ZNF428: variants seen among roughly 807,000 people sequenced by gnomAD.
ZNF428 encodes the protein zinc finger protein 428, also known as enzyme-like protein PIT13.
Under a neutral mutation model 15.6 loss-of-function variants are expected in ZNF428, and 5 were observed. That is an observed-to-expected ratio of 0.32 (90% CI 0.17 to 0.67). The LOEUF (loss-of-function observed/expected upper bound fraction) is 0.67, where lower values mean the gene tolerates loss of function less well. Ranked by LOEUF, ZNF428 falls within the 30% of genes least tolerant of loss-of-function variation. ZNF428 has a pLI of 0.73. For missense variants in ZNF428, 237 were observed against 256.0 expected, an observed-to-expected ratio of 0.93 and a Z score of 0.51; for synonymous variants, 97 against 102.2, an observed-to-expected ratio of 0.95 and a Z score of 0.31.
chr19:43,611,737 C>CT (rs1266222416), intron 2 of ZNF428, among the ~76,000 whole-genome samples: 3 of 152,200 alleles, frequency 2.0e-5, no homozygotes, highest in Non-Finnish European at 4.4e-5. Flanking sequence ...CTCGTATGGG[C>CT]TCCCCGGCCC....
chr19:43,614,221 C>T lies in ZNF428; in HGVS notation c.76+8G>A. On this transcript the variant is annotated splice_region_variant and intron_variant, in intron 2 of 2. Transcript: ENST00000300811. ...AAGCCGACGCCACCACCTCTAAGGC[C>T]ACCTTACCTGGGGAAAGGTCTTCAT... is the stretch of plus-strand genomic sequence containing the variant. 6.2e-7 allele frequency: 1 copy of T among 1,614,216 alleles called. No individual in the cohort carries two copies. Among genetic ancestry groups the T allele is most frequent in the Non-Finnish European group, 8.5e-7 (1 of 1,180,032 alleles).
At chr19:43,610,389 G>A (rs866825629) in intron 2 of ZNF428, among the ~76,000 whole-genome samples, 3 of 151,850 alleles carry the variant, frequency 2.0e-5, no homozygotes, top group African/African-American at 7.2e-5. Flanking sequence ...TAGTAGAGAC[G>A]GGGTTTCACC....
chr19:43,610,489 C>T (rs1973284065), intron 2 of ZNF428, among the ~76,000 whole-genome samples: 1 of 151,864 alleles, frequency 6.6e-6, no homozygotes, highest in African/African-American at 2.4e-5. Context: ...TATGAGCCAC[C>T]GCAGCCGGCT....
At chr19:43,613,311 A>G in intron 2 of ZNF428, 2 of 1,551,578 alleles carry the variant, frequency 1.3e-6, no homozygotes, top group Non-Finnish European at 1.7e-6. Context: ...AGCCCCAACA[A>G]GCAGAGAGAT....
At chr19:43,613,819 G>C in intron 2 of ZNF428, 2 of 1,549,434 alleles carry the variant, frequency 1.3e-6, no homozygotes, top group Non-Finnish European at 1.7e-6. Context: ...CCAGCAAAGA[G>C]AGAGATCGCA....
chr19:43,614,284 T>C lies in ZNF428; in HGVS notation c.21A>G (p.Pro7=), dbSNP rs1600088578. 6.2e-7 allele frequency: 1 copy of C among 1,611,798 alleles called. No individual in the cohort carries two copies. Among genetic ancestry groups the C allele is most frequent in the East Asian group, 2.2e-5 (1 of 44,870 alleles). Residue 7 remains proline, a synonymous_variant, in exon 2 of 3, where the codon CCA becomes CCG. Coordinates refer to ENST00000300811, the MANE Select transcript of ZNF428 (RefSeq NM_182498.4). ...AGCTGGCGTAGCCCCCAGTCTCAGCTGGCTCACGGGTCTCTGTCATGACCG... is the reference window on the plus strand; with the variant it reads ...AGCTGGCGTAGCCCCCAGTCTCAGCCGGCTCACGGGTCTCTGTCATGACCG... MTETRE[P]AETGGYASLE...
At chr19:43,614,604 CT>C (rs397803343) in intron 1 of ZNF428, 170 bp from the exon 2 acceptor site, 22,205 of 297,506 alleles carry the variant, frequency 0.075, no homozygotes, top group South Asian at 0.12. Context: ...CTCTCTAGGT[CT>C]TTTTTTTTTT....
At chr19:43,615,224 G>A (rs902009722) in intron 1 of ZNF428, among the ~76,000 whole-genome samples, 3 of 152,006 alleles carry the variant, frequency 2.0e-5, no homozygotes, top group African/African-American at 7.2e-5. Context: ...CTACACAGCA[G>A]ACAACAGCTA....
chr19:43,613,953 C>T, intron 2 of ZNF428: 1 of 1,551,656 alleles, frequency 6.4e-7, no homozygotes, highest in Non-Finnish European at 8.7e-7. Flanking sequence ...CCTAGAGCCT[C>T]CAGCAAGGAG....
chr19:43,615,734 A>T (rs1342539077), intron 1 of ZNF428, among the ~76,000 whole-genome samples: 1 of 152,084 alleles, frequency 6.6e-6, no homozygotes, highest in Non-Finnish European at 1.5e-5. Flanking sequence ...CACAGAACTC[A>T]AGGAAATGCT....
At chr19:43,615,374 GGC>G (rs1422838240) in intron 1 of ZNF428, among the ~76,000 whole-genome samples, 8 of 152,004 alleles carry the variant, frequency 5.3e-5, no homozygotes. Context: ...TGGGATTACA[GGC>G]GTGAGCCACC....
At chr19:43,614,913 A>C (rs1973356734) in intron 1 of ZNF428, among the ~76,000 whole-genome samples, 1 of 151,924 alleles carries the variant, frequency 6.6e-6, no homozygotes, top group Non-Finnish European at 1.5e-5. Flanking sequence ...TCTAGGTCTT[A>C]ATTTCCGCAT....
chr19:43,607,961 GGCCCCC>G lies in ZNF428; in HGVS notation c.217_222del (p.Gly73_Gly74del), dbSNP rs1392270644. On this transcript the variant is annotated inframe_deletion, in exon 3 of 3. Transcript: ENST00000300811. The surrounding 1 kb of genome is among the most constrained non-coding windows in gnomAD (Gnocchi z 5.1). ...GGGGCCCGGCGGGATGGGCCACCAC[GGCCCCC>G]GCCAAGGCGCTGCTTCACCTTGTAG... is the stretch of plus-strand genomic sequence containing the variant. 6.3e-7 allele frequency: 1 copy of G among 1,596,840 alleles called. No individual in the cohort carries two copies. The highest frequency in any genetic ancestry group is 1.3e-5 in the African/African-American group (1 of 74,660).
In ZNF428 at chr19:43,608,110, G is replaced by A. The variant is rs202163692; in HGVS notation, c.77-3C>T. On this transcript the variant is annotated splice_region_variant and splice_polypyrimidine_tract_variant and intron_variant, in intron 2 of 2. Coordinates refer to ENST00000300811, the MANE Select transcript of ZNF428 (RefSeq NM_182498.4). ...TGAATCAGAGGAATGCTCGGGGCCT[G>A]GAGGGGGACAGACAGGGGAAGACAG... 3.9e-4 allele frequency: 620 copies of A among 1,609,772 alleles called. 1 individual carries two copies. The African/African-American group carries it at 5.9e-3, about 15-fold the overall frequency.
Position 43,607,477 on chromosome 19 carries a change from C to T in ZNF428, c.*140G>A. ...ACAGATACAGATTTTGGCTTTTATT[C>T]TGGCCATCACACATCTACTTCTAAG... On this transcript the variant is annotated 3_prime_UTR_variant, in exon 3 of 3. Coordinates refer to ENST00000300811, the MANE Select transcript of ZNF428 (RefSeq NM_182498.4). The surrounding 1 kb of genome is among the most constrained non-coding windows in gnomAD (Gnocchi z 5.1). 1 of 1,122,746 alleles carries T rather than the reference C, an allele frequency of 8.9e-7. No homozygotes were observed. Among genetic ancestry groups the T allele is most frequent in the Non-Finnish European group, 1.2e-6 (1 of 815,222 alleles). 69.5% of individuals were successfully genotyped at this position (1,122,746 alleles called of 1,614,324 possible). A position where few individuals can be genotyped will look rare whatever the true frequency, so the allele number is the denominator to read the frequency against.
intron 2 of ZNF428, among the ~76,000 whole-genome samples, chr19:43,609,366 G>GAGAGAGAGAGAGAGAA (rs1973272384): frequency 6.6e-6 from 1 of 151,862 alleles, no homozygotes; most frequent in African/African-American, 2.4e-5. Context: ...CATGGAGAGA[G>GAGAGAGAGAGAGAGAA]AGAGAGAGAG....
chr19:43,615,509 A>G (rs1050638522), intron 1 of ZNF428, among the ~76,000 whole-genome samples: 1 of 151,934 alleles, frequency 6.6e-6, no homozygotes, highest in African/African-American at 2.4e-5. Flanking sequence ...ACACCAGCCT[A>G]GGCAACATGG....
intron 1 of ZNF428, 56 bp from the exon 2 acceptor site, chr19:43,614,490 C>G (rs770233864): frequency 1.8e-5 from 25 of 1,412,120 alleles, no homozygotes; most frequent in Admixed American, 6.0e-5. Flanking sequence ...TACATAGCAC[C>G]CATCCCCACC....
At chr19:43,613,699 C>T (rs534357188) in intron 2 of ZNF428, 45 of 1,551,214 alleles carry the variant, frequency 2.9e-5, no homozygotes, top group South Asian at 2.7e-4. Flanking sequence ...GATCTAGAAG[C>T]CCCAGCAAGG....
Sources: gnomAD v4.1 joint callset for allele counts (sites outside exome capture counted in the v4.1 genomes callset) on GRCh38, gnomAD v4.1.1 for gene constraint, Gnocchi (gnomAD v3.1) non-coding constraint, MANE v1.5 for transcripts, NCBI Gene and HGNC (gene_info 2026-07-23, HGNC 2026-07-21) for gene names.